The following SV2C variants were observed in gnomAD, a reference collection of about 807,000 sequenced individuals.
The protein encoded by SV2C is synaptic vesicle glycoprotein 2C.
In SV2C, 49 loss-of-function variants were observed where a neutral mutation model predicts 79.7. That is an observed-to-expected ratio of 0.61 (90% CI 0.49 to 0.78). The LOEUF (loss-of-function observed/expected upper bound fraction) is 0.78, where lower values mean the gene tolerates loss of function less well. SV2C is among the 30% of genes least tolerant of loss of function. The probability of loss-of-function intolerance (pLI) is 0.00; values close to 1 mark genes in which losing one functional copy is unlikely to be tolerated. For missense variants in SV2C, 833 were observed against 912.9 expected (o/e 0.91, Z 1.13); for synonymous variants, 334 against 333.2 (o/e 1.00, Z -0.03).
the SV2C span, among the ~76,000 whole-genome samples, chr5:75,918,354 T>G: frequency 6.6e-6 from 1 of 152,254 alleles, no homozygotes; most frequent in African/African-American, 2.4e-5. Flanking sequence ...TTCTTTTTCC[T>G]ATACATTATG....
At chr5:76,127,044 G>A (rs1368529749) in intron 1 of SV2C, among the ~76,000 whole-genome samples, 1 of 152,208 alleles carries the variant, frequency 6.6e-6, no homozygotes, top group Non-Finnish European at 1.5e-5. Flanking sequence ...GGGCACAATG[G>A]TTTTAAAGCT....
At chr5:76,303,801 G>C (rs1383512598) in intron 12 of SV2C, among the ~76,000 whole-genome samples, 1 of 152,234 alleles carries the variant, frequency 6.6e-6, no homozygotes, top group African/African-American at 2.4e-5. Flanking sequence ...CAGATGTCAG[G>C]ATGGGATTAA....
At chr5:75,908,069 G>A in the SV2C span, among the ~76,000 whole-genome samples, 1 of 152,162 alleles carries the variant, frequency 6.6e-6, no homozygotes, top group Non-Finnish European at 1.5e-5. Flanking sequence ...AAAATTGCAA[G>A]TTTCCCATTT....
chr5:76,285,175 C>T lies in SV2C; in HGVS notation c.927C>T (p.Ser309=), dbSNP rs1436362416. The T allele has an allele frequency of 6.2e-7, 1 of 1,614,158 alleles. No homozygotes were observed. Among genetic ancestry groups the T allele is most frequent in the South Asian group, 1.1e-5 (1 of 91,074 alleles). The part of the protein sequence containing the change: ...AIIPHYGWSF[S]MGSAYQFHSW... ...CTCCTTTTCCAGGGTGGAGCTTCAG[C>T]ATGGGATCGGCCTACCAGTTTCACA... The change falls in exon 5 of 13, where the codon AGC becomes AGT. Residue 309 remains serine (S), a synonymous_variant. Coordinates refer to ENST00000502798, the MANE Select transcript of SV2C (RefSeq NM_014979.4).
At chr5:76,241,059 C>T (rs1252090133) in intron 4 of SV2C, among the ~76,000 whole-genome samples, 5 of 152,158 alleles carry the variant, frequency 3.3e-5, no homozygotes, top group South Asian at 2.1e-4. Context: ...CAGGTTCAAG[C>T]GATTCTCCTG....
the SV2C span, among the ~76,000 whole-genome samples, chr5:75,975,245 C>T: frequency 6.6e-6 from 1 of 152,128 alleles, no homozygotes; most frequent in South Asian, 2.1e-4. Context: ...CACAGGAGTG[C>T]ACCTAGTGAA....
chr5:76,077,904 C>A, the SV2C span, among the ~76,000 whole-genome samples: 2 of 152,156 alleles, frequency 1.3e-5, no homozygotes, highest in Admixed American at 1.3e-4. Context: ...TGGAGACCAA[C>A]CCCTTGTTTG....
At chr5:76,155,452 T>G (rs1457080597) in intron 2 of SV2C, among the ~76,000 whole-genome samples, 1 of 152,166 alleles carries the variant, frequency 6.6e-6, no homozygotes, top group Non-Finnish European at 1.5e-5. Context: ...CAGAGCTCCT[T>G]CTACCCCAGC....
At chr5:75,852,170 G>T in the SV2C span, among the ~76,000 whole-genome samples, 1 of 152,120 alleles carries the variant, frequency 6.6e-6, no homozygotes, top group Admixed American at 6.5e-5. Context: ...GTCAGGTGGT[G>T]GGGGGCTGGG....
the SV2C span, among the ~76,000 whole-genome samples, chr5:75,876,371 G>C: frequency 1.6e-4 from 25 of 152,014 alleles, no homozygotes; most frequent in Admixed American, 1.6e-3. Flanking sequence ...TAAATGATAA[G>C]AACTTATGAA....
chr5:75,998,157 C>A, the SV2C span, among the ~76,000 whole-genome samples: 2 of 151,844 alleles, frequency 1.3e-5, no homozygotes, highest in Non-Finnish European at 2.9e-5. Flanking sequence ...CACATGGACA[C>A]AGGAAGGGGA....
intron 2 of SV2C, among the ~76,000 whole-genome samples, chr5:76,155,405 A>T (rs781205074): frequency 3.9e-5 from 6 of 152,314 alleles, no homozygotes; most frequent in African/African-American, 1.4e-4. Flanking sequence ...ACTCAGAGAG[A>T]TGGAAACTTC....
intron 12 of SV2C, among the ~76,000 whole-genome samples, chr5:76,301,819 G>A (rs554843301): frequency 4.9e-4 from 69 of 139,430 alleles, no homozygotes; most frequent in African/African-American, 1.8e-3. Flanking sequence ...TGAGGCAGGA[G>A]AATCACTTGA....
At chr5:75,882,520 C>T in the SV2C span, among the ~76,000 whole-genome samples, 2 of 152,126 alleles carry the variant, frequency 1.3e-5, no homozygotes, top group South Asian at 2.1e-4. Context: ...CTACAGTAAC[C>T]AAAACAGCAT....
At chr5:76,218,485 C>A (rs1225705383) in intron 4 of SV2C, among the ~76,000 whole-genome samples, 1 of 152,160 alleles carries the variant, frequency 6.6e-6, no homozygotes, top group African/African-American at 2.4e-5. Flanking sequence ...AACCATCATT[C>A]TCAGCATACT....
the SV2C span, among the ~76,000 whole-genome samples, chr5:75,976,246 G>C: frequency 6.6e-6 from 1 of 152,130 alleles, no homozygotes; most frequent in Non-Finnish European, 1.5e-5. Context: ...ATTTTTTAAA[G>C]AGATGTTTTC....
the SV2C span, among the ~76,000 whole-genome samples, chr5:75,980,560 A>T: frequency 3.0e-4 from 45 of 152,230 alleles, no homozygotes; most frequent in Admixed American, 1.3e-4. Flanking sequence ...TGGGTTCAAC[A>T]TACACAAATC....
chr5:75,957,657 T>C, the SV2C span, among the ~76,000 whole-genome samples: 3 of 152,080 alleles, frequency 2.0e-5, no homozygotes, highest in Admixed American at 2.0e-4. Flanking sequence ...ATTGACATCA[T>C]GTTAATTAAA....
At chr5:76,092,239 A>G (rs1386575892) in intron 1 of SV2C, among the ~76,000 whole-genome samples, 2 of 152,202 alleles carry the variant, frequency 1.3e-5, no homozygotes, top group Non-Finnish European at 2.9e-5. Flanking sequence ...GTTTTCAACA[A>G]TAAGCACACA....
Sources: gnomAD v4.1 joint callset for allele counts (sites outside exome capture counted in the v4.1 genomes callset) on GRCh38, gnomAD v4.1.1 for gene constraint, MANE v1.5 for transcripts, NCBI Gene and HGNC (gene_info 2026-07-23, HGNC 2026-07-21) for gene names.